The following DMKN variants were observed in gnomAD, a reference collection of about 807,000 sequenced individuals.
DMKN encodes epidermis-specific secreted protein SK30/SK89.
DMKN carries 58 observed loss-of-function variants against 67.6 expected under a neutral mutation model. The observed-to-expected ratio is 0.86, with a 90% CI of 0.69 to 1.07. The LOEUF is 1.07. Among genes scored for constraint, DMKN ranks in the 50% least tolerant of loss-of-function variants. The pLI, the probability that DMKN is intolerant of heterozygous loss-of-function variation, is 0.00. For synonymous variants in DMKN, 240 were observed against 232.3 expected, an observed-to-expected ratio of 1.03 and a Z score of -0.30; for missense variants, 596 against 601.5, an observed-to-expected ratio of 0.99 and a Z score of 0.10.
chr19:35,506,482 T>G, intron 7 of DMKN: 1 of 569,860 alleles, frequency 1.8e-6, no homozygotes, highest in Non-Finnish European at 3.3e-6. Context: ...AGCTAACGTG[T>G]AGTCCCACGG....
chr19:35,498,375 T>G (rs1178509347), intron 15 of DMKN: 2 of 289,442 alleles, frequency 6.9e-6, no homozygotes, highest in Non-Finnish European at 6.5e-6. Flanking sequence ...TTTTGGTTTG[T>G]TTTGTTTTGT....
At chr19:35,508,030 T>C in intron 7 of DMKN, 1 of 788,524 alleles carries the variant, frequency 1.3e-6, no homozygotes, top group Non-Finnish European at 2.0e-6. Context: ...GGAGTCCTGC[T>C]TTATCTGCTG....
At chr19:35,503,592 C>T (rs1599886516) in intron 9 of DMKN, 5 of 1,186,994 alleles carry the variant, frequency 4.2e-6, no homozygotes, top group Non-Finnish European at 5.9e-6. Flanking sequence ...TCTCCTGCCT[C>T]AGCCTCCCAA....
At chr19:35,505,313 C>T (rs554677754) in intron 9 of DMKN, among the ~76,000 whole-genome samples, 9 of 152,284 alleles carry the variant, frequency 5.9e-5, no homozygotes, top group African/African-American at 2.2e-4. Flanking sequence ...CCCTGAGGCT[C>T]TCGGCCAGTG....
chr19:35,511,686 G>C, intron 4 of DMKN, 77 bp downstream of exon 4: 1 of 1,592,546 alleles, frequency 6.3e-7, no homozygotes, highest in Non-Finnish European at 8.6e-7. Flanking sequence ...CATATTCCAT[G>C]ATGCCCAGTC....
At chr19:35,504,402 GC>G (rs1358644356) in intron 9 of DMKN, among the ~76,000 whole-genome samples, 1 of 151,866 alleles carries the variant, frequency 6.6e-6, no homozygotes, top group Non-Finnish European at 1.5e-5. Context: ...CATAGTGAAA[GC>G]CCATCTCTAC....
chr19:35,501,198 G>C (rs944137708), intron 11 of DMKN, among the ~76,000 whole-genome samples: 1 of 152,072 alleles, frequency 6.6e-6, no homozygotes, highest in African/African-American at 2.4e-5. Context: ...TCTCCACTTG[G>C]ACCGTCCGCC....
At chr19:35,499,506 ACCG>A (rs1041613827) in intron 13 of DMKN, among the ~76,000 whole-genome samples, 22 of 152,134 alleles carry the variant, frequency 1.4e-4, no homozygotes, top group African/African-American at 5.1e-4. Context: ...CATTCATTTC[ACCG>A]CCAACCAGGC....
intron 13 of DMKN, 29 bp from the exon 14 acceptor site, chr19:35,498,926 G>A (rs1047469017): frequency 1.2e-6 from 2 of 1,614,144 alleles, no homozygotes; most frequent in African/African-American, 1.3e-5. Flanking sequence ...AAAGTGATGT[G>A]GGGTCATGGC....
In DMKN at chr19:35,513,487, C is replaced by T. The variant is rs1171626625; in HGVS notation, c.-12G>A. 1 of 1,588,814 alleles carries T rather than the reference C, an allele frequency of 6.3e-7. No homozygotes were observed. The highest frequency in any genetic ancestry group is 1.3e-5 in the African/African-American group (1 of 74,622). ...CCCTGGAACTTCATCTCTGCCCAGC[C>T]CCCTCTCTCTCCAGAGTGTCTTCCT... On this transcript the variant is annotated 5_prime_UTR_variant, in exon 1 of 16. Coordinates refer to ENST00000339686, the MANE Select transcript of DMKN (RefSeq NM_033317.5).
intron 7 of DMKN, 43 bp from the exon 8 acceptor site, chr19:35,506,029 T>A: frequency 6.2e-7 from 1 of 1,614,010 alleles, no homozygotes. Context: ...GAACCCACTT[T>A]GTGAGCCAGA....
rs531234268 is a variant in DMKN at position 35,508,155 on chromosome 19, C to G, written c.1038+1756G>C. On this transcript the variant is annotated intron_variant, in intron 7 of 15. Coordinates refer to ENST00000339686, the MANE Select transcript of DMKN (RefSeq NM_033317.5). Reference sequence around the variant, plus strand: ...TTGCTCCTGGAGAACAGACCTCTACCCCACTTACTACCGGCACAGTCTCTG... The same window carrying G: ...TTGCTCCTGGAGAACAGACCTCTACGCCACTTACTACCGGCACAGTCTCTG... 2,157 of 1,550,734 alleles carry G rather than the reference C, an allele frequency of 1.4e-3. 43 individuals are homozygous for G. The South Asian group carries it at 0.024, about 18-fold the overall frequency.
At chr19:35,503,162 G>C (rs2145946987) in intron 9 of DMKN, 1 of 1,275,474 alleles carries the variant, frequency 7.8e-7, no homozygotes, top group East Asian at 2.6e-5. Flanking sequence ...AAAACCTCAA[G>C]ACTAGGACCT....
At position 35,511,557 on chromosome 19, in the gene DMKN, C is replaced by T; in HGVS notation, c.772G>A (p.Gly258Ser). ...SGSQSGSSGS[G>S]SNGDNNNGSS... ...CCATTGTTGTTGTCACCATTGCTGC[C>T]ACTGCCACTGCTGCCCGACTGTGAG... Residue 258 changes from glycine to serine, a missense_variant, in exon 5 of 16, where the codon GGC becomes AGC. Coordinates refer to ENST00000339686, the MANE Select transcript of DMKN (RefSeq NM_033317.5). The T allele has an allele frequency of 6.3e-7, 1 of 1,588,314 alleles. No individual in the cohort carries two copies. The highest frequency in any genetic ancestry group is 2.3e-5 in the East Asian group (1 of 42,564).
chr19:35,502,716 G>T, intron 10 of DMKN, 114 bp downstream of exon 10: 1 of 1,006,010 alleles, frequency 9.9e-7, no homozygotes, highest in Non-Finnish European at 1.5e-6. Context: ...AAAAAAAAAA[G>T]GGGGGGAGTT....
intron 5 of DMKN, chr19:35,510,454 AT>A: frequency 6.4e-7 from 1 of 1,552,048 alleles, no homozygotes; most frequent in Non-Finnish European, 8.7e-7. Context: ...GGCCGAGGGT[AT>A]TCGGAACTAC....
chr19:35,510,345 A>T, intron 5 of DMKN, 93 bp from the exon 6 acceptor site: 2 of 1,552,690 alleles, frequency 1.3e-6, no homozygotes, highest in Non-Finnish European at 1.7e-6. Context: ...TTGGAACCCC[A>T]ATCAGATTCC....
At chr19:35,500,242 C>A in intron 12 of DMKN, 1 of 1,329,748 alleles carries the variant, frequency 7.5e-7, no homozygotes, top group South Asian at 1.4e-5. Flanking sequence ...AAATGGCCGC[C>A]GCCTCCTCCT....
At position 35,511,737 on chromosome 19, in the gene DMKN, C is replaced by T. The variant is rs1297903614; in HGVS notation, c.735+26G>A. 17 of 1,608,900 alleles carry T rather than the reference C, an allele frequency of 1.1e-5. No homozygotes were observed. The African/African-American group carries it at 2.0e-4, about 19-fold the overall frequency. ...TTCTCCATTTCCTCCTGGTGCACAA[C>T]TCCTGGGTTGCCCCTCTCCACTCAC... On this transcript the variant is annotated intron_variant, in intron 4 of 15. Coordinates refer to ENST00000339686, the MANE Select transcript of DMKN (RefSeq NM_033317.5).
Sources: gnomAD v4.1 joint callset for allele counts (sites outside exome capture counted in the v4.1 genomes callset) on GRCh38, gnomAD v4.1.1 for gene constraint, MANE v1.5 for transcripts, NCBI Gene and HGNC (gene_info 2026-07-23, HGNC 2026-07-21) for gene names.